SELENOI: variants seen among roughly 807,000 people sequenced by gnomAD.
SELENOI encodes ethanolaminephosphotransferase 1.
A neutral mutation model predicts 50.7 loss-of-function variants in SELENOI; 24 were observed. The ratio of observed to expected loss-of-function variants is 0.47; its 90% CI spans 0.34 to 0.67. The LOEUF is 0.67. SELENOI is among the 30% of genes least tolerant of loss of function. SELENOI has a pLI of 0.01. For missense variants in SELENOI, 352 were observed against 461.4 expected, an observed-to-expected ratio of 0.76 and a Z score of 2.17; for synonymous variants, 155 against 170.2, an observed-to-expected ratio of 0.91 and a Z score of 0.70.
intron 3 of SELENOI, among the ~76,000 whole-genome samples, chr2:26,366,860 T>C (rs1677295610): frequency 6.6e-6 from 1 of 152,232 alleles, no homozygotes; most frequent in African/African-American, 2.4e-5. Context: ...TTATTTTTCA[T>C]TGTAGGCGCA....
At chr2:26,384,839 C>A in intron 7 of SELENOI, 120 bp from the exon 8 acceptor site, 1 of 649,730 alleles carries the variant, frequency 1.5e-6, no homozygotes. Flanking sequence ...TCTGTCTATG[C>A]CACAAGATTA....
Position 26,391,868 on chromosome 2 carries a change from A to G in SELENOI, c.*2765A>G, listed in dbSNP as rs550010503. The stretch of plus-strand genomic sequence containing the variant: ...CATGCTTTTATAAAGTGCAGTACAC[A>G]TTTTGACATTGCCACAGTTTACAGT... On this transcript the variant is annotated 3_prime_UTR_variant, in exon 10 of 10. Transcript: ENST00000260585. The G allele has an allele frequency of 9.2e-5, 14 of 152,320 alleles. No homozygotes were observed. The highest frequency in any genetic ancestry group is 4.1e-4 in the South Asian group (2 of 4,834). The allele number at this position is 152,320 out of a possible 1,614,324, so 9.4% of individuals were successfully genotyped here.
At chr2:26,381,941 A>G (rs1381181951) in intron 6 of SELENOI, among the ~76,000 whole-genome samples, 1 of 152,252 alleles carries the variant, frequency 6.6e-6, no homozygotes, top group Non-Finnish European at 1.5e-5. Context: ...TGGAAGAGAC[A>G]AACTGGGGCT....
rs57102834 is a variant in SELENOI at position 26,381,198 on chromosome 2, C to CTTTTTTTT, written c.683-2077_683-2070dup. ...TGGATTGTATCTCCTTCAGTTTGGTCTTTTTTTTTTTTTTTTTTTTTTTTT... is the reference window on the plus strand; with the variant it reads ...TGGATTGTATCTCCTTCAGTTTGGTCTTTTTTTTTTTTTTTTTTTTTTTTTTTTTTTTT... On this transcript the variant is annotated intron_variant, in intron 6 of 9. Coordinates refer to ENST00000260585, the MANE Select transcript of SELENOI (RefSeq NM_033505.4). 3.6e-3 allele frequency among the ~76,000 whole-genome samples: 110 copies of CTTTTTTTT among 30,200 alleles called. 6 individuals are homozygous for CTTTTTTTT. Among genetic ancestry groups the CTTTTTTTT allele is most frequent in the Admixed American group, 8.0e-3 (13 of 1,616 alleles). 19.8% of individuals were successfully genotyped at this position (30,200 alleles called of 152,430 possible).
chr2:26,350,567 A>G (rs980002851), intron 1 of SELENOI, among the ~76,000 whole-genome samples: 1 of 152,196 alleles, frequency 6.6e-6, no homozygotes, highest in African/African-American at 2.4e-5. Flanking sequence ...TTGAGGGTCT[A>G]CTCAGTGTCA....
chr2:26,357,217 A>C (rs936829750), intron 1 of SELENOI, among the ~76,000 whole-genome samples: 7 of 152,200 alleles, frequency 4.6e-5, no homozygotes, highest in African/African-American at 1.7e-4. Context: ...CTGTTTTTGA[A>C]CTTCATATAA....
intron 1 of SELENOI, among the ~76,000 whole-genome samples, chr2:26,350,163 T>C (rs1676926970): frequency 7.0e-6 from 1 of 142,844 alleles, no homozygotes; most frequent in African/African-American, 2.6e-5. Context: ...GAACTGGTTT[T>C]TGATATTATG....
chr2:26,365,795 C>CTTTTTTTTTTTTTTTTTT, intron 3 of SELENOI, among the ~76,000 whole-genome samples: 1 of 108,410 alleles, frequency 9.2e-6, no homozygotes, highest in Non-Finnish European at 1.8e-5. Flanking sequence ...ACACTTAAGA[C>CTTTTTTTTTTTTTTTTTT]TTTTTTTTTT....
chr2:26,375,274 A>C, intron 6 of SELENOI, 126 bp downstream of exon 6: 1 of 571,712 alleles, frequency 1.7e-6, no homozygotes, highest in Non-Finnish European at 3.1e-6. Context: ...ACAACCCTAC[A>C]ACCTTGTAGG....
chr2:26,372,536 C>T (rs1677480178), intron 4 of SELENOI, among the ~76,000 whole-genome samples: 1 of 152,194 alleles, frequency 6.6e-6, no homozygotes, highest in South Asian at 2.1e-4. Flanking sequence ...TGAATATCCA[C>T]TGTGTGCATT....
intron 2 of SELENOI, 46 bp from the exon 3 acceptor site, chr2:26,364,786 G>T: frequency 1.5e-6 from 2 of 1,378,332 alleles, no homozygotes; most frequent in Non-Finnish European, 2.0e-6. Context: ...ACATTGGACA[G>T]AGATTCCTCT....
chr2:26,368,236 AG>A (rs1025287578), intron 4 of SELENOI, among the ~76,000 whole-genome samples: 5 of 152,360 alleles, frequency 3.3e-5, no homozygotes, highest in African/African-American at 1.2e-4. Flanking sequence ...AGAAGAATTA[AG>A]GGAAAGCTTA....
chr2:26,361,873 G>A (rs531173549), intron 1 of SELENOI, among the ~76,000 whole-genome samples: 1 of 152,086 alleles, frequency 6.6e-6, no homozygotes, highest in Non-Finnish European at 1.5e-5. Context: ...AGCCAGGCTG[G>A]TCTCGAACTC....
intron 1 of SELENOI, among the ~76,000 whole-genome samples, chr2:26,354,543 C>T (rs1677026359): frequency 1.3e-5 from 2 of 151,690 alleles, no homozygotes; most frequent in Admixed American, 6.6e-5. Flanking sequence ...GCCGCCACCA[C>T]GCCCGGCTAA....
At position 26,371,861 on chromosome 2, in the gene SELENOI, AACCATGGGGAGAGGGAG is replaced by A. The variant is rs1328680427; in HGVS notation, c.311-1487_311-1471del. Among the ~76,000 whole-genome samples the A allele has an allele frequency of 7.7e-3, 1,157 of 150,538 alleles. 16 individuals are homozygous for A. The highest frequency in any genetic ancestry group is 0.027 in the African/African-American group (1,086 of 40,270). On this transcript the variant is annotated intron_variant, in intron 4 of 9. Transcript: ENST00000260585. ...GAGAGGGAGACCATGGGGAGAGGGA[AACCATGGGGAGAGGGAG>A]ACCATGGGGAGAGGGAGAGGGAGAG... is the stretch of plus-strand genomic sequence containing the variant.
At chr2:26,366,568 G>A (rs997062639) in intron 3 of SELENOI, among the ~76,000 whole-genome samples, 1 of 152,078 alleles carries the variant, frequency 6.6e-6, no homozygotes, top group Admixed American at 6.6e-5. Flanking sequence ...TACATTCAAG[G>A]TTACACTGCT....
At chr2:26,356,214 A>G (rs1223050945) in intron 1 of SELENOI, among the ~76,000 whole-genome samples, 1 of 152,052 alleles carries the variant, frequency 6.6e-6, no homozygotes, top group African/African-American at 2.4e-5. Flanking sequence ...GCTGAAGTAC[A>G]GTGACATGTC....
intron 1 of SELENOI, among the ~76,000 whole-genome samples, chr2:26,348,577 C>G (rs1351228178): frequency 6.6e-6 from 1 of 152,144 alleles, no homozygotes; most frequent in Non-Finnish European, 1.5e-5. Flanking sequence ...TTGACACTTG[C>G]ATTCGCTATT....
rs763633006 is a variant in SELENOI at position 26,346,187 on chromosome 2, G to C, written c.-46G>C. 4 of 1,613,042 alleles carry C rather than the reference G, an allele frequency of 2.5e-6. No individual in the cohort carries two copies. The Admixed American group carries it at 6.7e-5, about 27-fold the overall frequency. ...TGTGGTGCTTGTGTGTCACAGCCTT[G>C]TAGCCGGGAGTCGCTGCCGAGTGGG... On this transcript the variant is annotated 5_prime_UTR_variant, in exon 1 of 10. Coordinates refer to ENST00000260585, the MANE Select transcript of SELENOI (RefSeq NM_033505.4).
Sources: allele counts gnomAD v4.1 joint callset (sites outside exome capture counted in the v4.1 genomes callset), GRCh38; gene constraint gnomAD v4.1.1; transcripts MANE v1.5; gene names NCBI Gene and HGNC (gene_info 2026-07-23, HGNC 2026-07-21).